The following XKR7 variants were observed in gnomAD, a reference collection of about 807,000 sequenced individuals.
The protein encoded by XKR7 is XK related 7.
In XKR7, 11 loss-of-function variants were observed where a neutral mutation model predicts 42.2. The observed-to-expected ratio is 0.26, with a 90% CI of 0.16 to 0.43. The LOEUF is 0.43. Ranked by LOEUF, XKR7 falls within the 20% of genes least tolerant of loss-of-function variation. The pLI is 1.00. For synonymous variants in XKR7, 346 were observed against 366.4 expected (o/e 0.94, Z 0.64); for missense variants, 710 against 802.2 (o/e 0.89, Z 1.39).
chr20:31,990,782 T>C (rs991489255), intron 1 of XKR7, among the ~76,000 whole-genome samples: 1 of 152,234 alleles, frequency 6.6e-6, no homozygotes, highest in African/African-American at 2.4e-5. Flanking sequence ...AGCCAATTTT[T>C]TTTTTTCAGG....
rs1004948365 is a variant in XKR7, at chr20:31,968,421, C to T, written c.246C>T (p.Tyr82=). Residue 82 remains tyrosine, a synonymous_variant, in exon 1 of 3, where the codon TAC becomes TAT. Coordinates refer to ENST00000562532, the MANE Select transcript of XKR7 (RefSeq NM_001011718.2). The surrounding 1 kb of genome is among the most constrained non-coding windows in gnomAD (Gnocchi z 4.5). The part of the protein sequence containing the change: ...ATDLWLAASY[Y]LQNQHTYFSL... ...ACCTGTGGCTGGCGGCCTCCTACTA[C>T]CTGCAGAATCAACACACCTACTTCA... 1 of 1,613,872 alleles carries T rather than the reference C, an allele frequency of 6.2e-7. No individual in the cohort carries two copies. Among genetic ancestry groups the T allele is most frequent in the Non-Finnish European group, 8.5e-7 (1 of 1,179,872 alleles).
intron 1 of XKR7, among the ~76,000 whole-genome samples, chr20:31,974,995 G>A (rs1395742993): frequency 1.3e-5 from 2 of 152,118 alleles, no homozygotes; most frequent in Non-Finnish European, 2.9e-5. Context: ...GGCGGCGGTT[G>A]GGCCCAGCGT....
chr20:31,993,987 C>T (rs1009222910), intron 1 of XKR7, among the ~76,000 whole-genome samples: 2 of 152,172 alleles, frequency 1.3e-5, no homozygotes, highest in Admixed American at 6.5e-5. Context: ...ACATTGTGAG[C>T]TCTGGCTCTG....
chr20:31,978,391 T>G (rs1165139994), intron 1 of XKR7, among the ~76,000 whole-genome samples: 2 of 152,272 alleles, frequency 1.3e-5, no homozygotes, highest in Non-Finnish European at 2.9e-5. Flanking sequence ...ATTGCAGGCG[T>G]GAGCCACTGT....
Position 31,996,917 on chromosome 20 carries a change from C to A in XKR7, c.1200C>A (p.Gly400=). The change falls in exon 3 of 3, where the codon GGC becomes GGA. Residue 400 remains glycine (G), a synonymous_variant. Transcript: ENST00000562532. ...TGCTGGAGAACGCCGCGCTCACCGG[C>A]TTCTGGTACTCCAGCCGCAACTTCT... ...IVLLENAALT[G]FWYSSRNFST... 1 of 1,613,952 alleles carries A rather than the reference C, an allele frequency of 6.2e-7. No homozygotes were observed. Among genetic ancestry groups the A allele is most frequent in the Non-Finnish European group, 8.5e-7 (1 of 1,180,022 alleles).
At position 31,997,166 on chromosome 20, in the gene XKR7, G is replaced by A. The variant is rs775246235; in HGVS notation, c.1449G>A (p.Glu483=). Residue 483 remains glutamate (E), a synonymous_variant, in exon 3 of 3, where the codon GAG becomes GAA. Coordinates refer to ENST00000562532, the MANE Select transcript of XKR7 (RefSeq NM_001011718.2). ...CCCTGCCAAGGACTACAGGTGCTGA[G>A]CGGGATGGGGCCTCGGCGGGAGAGC... is the stretch of plus-strand genomic sequence containing the variant. ...PRSLPRTTGA[E]RDGASAGERA... 1.2e-6 allele frequency: 2 copies of A among 1,610,974 alleles called. No homozygotes were observed. Among genetic ancestry groups the A allele is most frequent in the Non-Finnish European group, 1.7e-6 (2 of 1,180,004 alleles).
At position 31,997,265 on chromosome 20, in the gene XKR7, G is replaced by T; in HGVS notation, c.1548G>T (p.Leu516Phe). 1 of 1,612,302 alleles carries T rather than the reference G, an allele frequency of 6.2e-7. No individual in the cohort carries two copies. ...CTCCCACACCAGTGGCCCGCACCTT[G>T]CGGACAGAGGGGCCTGTCATCCGGA... ...GLPPTPVART[L>F]RTEGPVIRID... Residue 516 changes from leucine to phenylalanine, a missense_variant, in exon 3 of 3, where the codon TTG (leucine) becomes TTT (phenylalanine). Leu to Phe is a conservative substitution (Grantham distance 22, BLOSUM62 0). Transcript: ENST00000562532.
intron 1 of XKR7, among the ~76,000 whole-genome samples, chr20:31,971,178 T>A (rs1171204331): frequency 7.0e-6 from 1 of 142,772 alleles, no homozygotes; most frequent in Non-Finnish European, 1.5e-5. Flanking sequence ...ACTATGTGGG[T>A]GAGGACGGGA....
chr20:31,979,564 C>T (rs2064501649), intron 1 of XKR7, among the ~76,000 whole-genome samples: 1 of 152,210 alleles, frequency 6.6e-6, no homozygotes, highest in South Asian at 2.1e-4. Flanking sequence ...TGACAGGTGG[C>T]TGCCTCTGTA....
chr20:31,987,161 AC>A (rs1158083971), intron 1 of XKR7, among the ~76,000 whole-genome samples: 1 of 149,438 alleles, frequency 6.7e-6, no homozygotes, highest in Admixed American at 6.7e-5. Context: ...AGCATCCAAG[AC>A]ACAGACAACA....
rs898055473 is a variant in XKR7 at position 31,997,932 on chromosome 20, T to C, written c.*475T>C. ...TGGCCGTGGAAGGGATGGGGTGAGGTTGGAGCATTGTGTGGACAGGGATGG... is the reference window on the plus strand; with the variant it reads ...TGGCCGTGGAAGGGATGGGGTGAGGCTGGAGCATTGTGTGGACAGGGATGG... On this transcript the variant is annotated 3_prime_UTR_variant, in exon 3 of 3. Coordinates refer to ENST00000562532, the MANE Select transcript of XKR7 (RefSeq NM_001011718.2). 1.8e-5 allele frequency: 3 copies of C among 164,084 alleles called. No individual in the cohort carries two copies. Among genetic ancestry groups the C allele is most frequent in the African/African-American group, 7.3e-5 (3 of 41,142 alleles). The allele number at this position is 164,084 out of a possible 1,614,324, so 10.2% of individuals were successfully genotyped here.
At chr20:31,992,153 C>A (rs1003952413) in intron 1 of XKR7, among the ~76,000 whole-genome samples, 2 of 151,176 alleles carry the variant, frequency 1.3e-5, no homozygotes, top group Admixed American at 1.3e-4. Flanking sequence ...CAAAAACAAA[C>A]AAAAAAACTG....
chr20:31,979,350 G>A (rs1197246927), intron 1 of XKR7, among the ~76,000 whole-genome samples: 2 of 152,044 alleles, frequency 1.3e-5, no homozygotes, highest in East Asian at 3.9e-4. Context: ...AAAGTGCTGG[G>A]ATCACAGGCA....
At chr20:31,992,368 T>TC (rs2064573974) in intron 1 of XKR7, among the ~76,000 whole-genome samples, 6 of 152,122 alleles carry the variant, frequency 3.9e-5, no homozygotes, top group Non-Finnish European at 2.9e-5. Flanking sequence ...AAATGGAAGA[T>TC]ACAGGGAGAC....
chr20:31,973,588 G>C (rs1221916242), intron 1 of XKR7, among the ~76,000 whole-genome samples: 2 of 152,128 alleles, frequency 1.3e-5, no homozygotes, highest in Non-Finnish European at 2.9e-5. Context: ...CCTCTCCAAG[G>C]AGGTGGCATG....
rs2123693908 is a variant in XKR7, at chr20:31,968,314, G to GAA, written c.139_140insAA (p.Gly47GlufsTer62). 1 of 1,298,280 alleles carries GAA rather than the reference G, an allele frequency of 7.7e-7. No homozygotes were observed. Among genetic ancestry groups the GAA allele is most frequent in the Non-Finnish European group, 9.8e-7 (1 of 1,024,206 alleles). 80.4% of individuals were successfully genotyped at this position (1,298,280 alleles called of 1,614,324 possible). A position where few individuals can be genotyped will look rare whatever the true frequency, so the allele number is the denominator to read the frequency against. On this transcript the variant is annotated frameshift_variant, in exon 1 of 3. Transcript: ENST00000562532. LOFTEE classifies it high-confidence loss of function. The surrounding 1 kb of genome is among the most constrained non-coding windows in gnomAD (Gnocchi z 4.5). The stretch of plus-strand genomic sequence containing the variant: ...GCCCCCGGGGGTCGTCGGGGCGGGC[G>GAA]GCCCGGGGCCGCGCTACGAGCTGCG...
Position 31,996,902 on chromosome 20 carries a change from C to T in XKR7, c.1185C>T (p.Asn395=), listed in dbSNP as rs372168274. 6.8e-6 allele frequency: 11 copies of T among 1,613,890 alleles called. No homozygotes were observed. The African/African-American group carries it at 8.0e-5, about 12-fold the overall frequency. Residue 395 remains asparagine (N), a synonymous_variant, in exon 3 of 3, where the codon AAC becomes AAT. Coordinates refer to ENST00000562532, the MANE Select transcript of XKR7 (RefSeq NM_001011718.2). ...ACCACTGCATCGTCCTGCTGGAGAACGCCGCGCTCACCGGCTTCTGGTACT... is the reference window on the plus strand; with the variant it reads ...ACCACTGCATCGTCCTGCTGGAGAATGCCGCGCTCACCGGCTTCTGGTACT... ...TLYHCIVLLE[N]AALTGFWYSS...
chr20:31,968,190 G>A lies in XKR7; in HGVS notation c.15G>A (p.Ser5=), dbSNP rs1175615945. Residue 5 remains serine, a synonymous_variant, in exon 1 of 3, where the codon TCG becomes TCA. Coordinates refer to ENST00000562532, the MANE Select transcript of XKR7 (RefSeq NM_001011718.2). The surrounding 1 kb of genome is among the most constrained non-coding windows in gnomAD (Gnocchi z 4.5). MAAK[S]DGAAASASPD... ...TCTCCGCCAACATGGCCGCGAAGTCGGATGGAGCGGCGGCCTCGGCCAGCC... is the reference window on the plus strand; with the variant it reads ...TCTCCGCCAACATGGCCGCGAAGTCAGATGGAGCGGCGGCCTCGGCCAGCC... The A allele has an allele frequency of 2.0e-5, 24 of 1,172,720 alleles. No homozygotes were observed. The highest frequency in any genetic ancestry group is 3.7e-5 in the East Asian group (1 of 27,040). The allele number at this position is 1,172,720 out of a possible 1,614,324, so 72.6% of individuals were successfully genotyped here. A position where few individuals can be genotyped will look rare whatever the true frequency, so the allele number is the denominator to read the frequency against.
At chr20:31,988,253 G>A (rs1481154286) in intron 1 of XKR7, among the ~76,000 whole-genome samples, 1 of 152,126 alleles carries the variant, frequency 6.6e-6, no homozygotes, top group Non-Finnish European at 1.5e-5. Flanking sequence ...GGATCCCCTC[G>A]TCCTTTTCCC....
Sources: gnomAD v4.1 joint callset for allele counts (sites outside exome capture counted in the v4.1 genomes callset) on GRCh38, gnomAD v4.1.1 for gene constraint, Gnocchi (gnomAD v3.1) non-coding constraint, MANE v1.5 for transcripts, NCBI Gene and HGNC (gene_info 2026-07-23, HGNC 2026-07-21) for gene names.